TLK2: variants seen among roughly 807,000 people sequenced by gnomAD.
TLK2 encodes the protein tousled like kinase 2.
A neutral mutation model predicts 117.3 loss-of-function variants in TLK2; 6 were observed. The observed-to-expected ratio is 0.05, with a 90% confidence interval of 0.03 to 0.10. The LOEUF (loss-of-function observed/expected upper bound fraction) is 0.10, where lower values mean the gene tolerates loss of function less well. TLK2 is among the 10% of genes least tolerant of loss of function. The pLI is 1.00. For missense variants in TLK2, 299 were observed against 901.2 expected (o/e 0.33, Z 8.56); for synonymous variants, 257 against 316.7 (o/e 0.81, Z 2.00).
intron 11 of TLK2, among the ~76,000 whole-genome samples, chr17:62,568,948 T>A (rs926604217): frequency 5.3e-5 from 8 of 152,188 alleles, no homozygotes; most frequent in Admixed American, 1.3e-4. Context: ...TCTTTAGGTA[T>A]CGTATACCAT....
chr17:62,501,687 C>T (rs141962953), intron 2 of TLK2, among the ~76,000 whole-genome samples: 167 of 151,668 alleles, frequency 1.1e-3, no homozygotes, highest in Non-Finnish European at 1.9e-3. Context: ...AGGCCAGGCA[C>T]GGTGACTCAT....
At position 62,512,698 on chromosome 17, in the gene TLK2, A is replaced by G. The variant is rs543730017; in HGVS notation, c.82-8075A>G. On this transcript the variant is annotated intron_variant, in intron 2 of 21. Transcript: ENST00000346027. ...CTGTACTTTTGATGAGCTTCCATTTATCAGTGTTTCCTTTTGTGGATTAGA... is the reference window on the plus strand; with the variant it reads ...CTGTACTTTTGATGAGCTTCCATTTGTCAGTGTTTCCTTTTGTGGATTAGA... 4.6e-4 allele frequency among the ~76,000 whole-genome samples: 70 copies of G among 151,858 alleles called. 2 individuals are homozygous for G. In the East Asian group the frequency reaches 0.014, roughly 29 times the overall value.
Position 62,612,806 on chromosome 17 carries a change from G to A in TLK2, c.*241G>A, listed in dbSNP as rs1021086187. On this transcript the variant is annotated 3_prime_UTR_variant, in exon 22 of 22. Transcript: ENST00000346027. Reference sequence around the variant, plus strand: ...CCCCGCCCGAGGTTCCAGCGTCAACGGCCACTGTGTGTGGCTGCTCTGAGT... The same window carrying A: ...CCCCGCCCGAGGTTCCAGCGTCAACAGCCACTGTGTGTGGCTGCTCTGAGT... 2.3e-5 allele frequency: 8 copies of A among 344,674 alleles called. No individual in the cohort carries two copies. The highest frequency in any genetic ancestry group is 1.3e-4 in the South Asian group (2 of 14,874). The allele number at this position is 344,674 out of a possible 1,614,324, so 21.4% of individuals were successfully genotyped here. A position where few individuals can be genotyped will look rare whatever the true frequency, so the allele number is the denominator to read the frequency against.
At chr17:62,574,509 A>T in intron 12 of TLK2, 1 of 683,998 alleles carries the variant, frequency 1.5e-6, no homozygotes, top group Non-Finnish European at 2.4e-6. Context: ...ATAACTCCAA[A>T]TTTTGTTGTT....
At chr17:62,605,427 CA>C (rs760079120) in intron 19 of TLK2, among the ~76,000 whole-genome samples, 28 of 152,226 alleles carry the variant, frequency 1.8e-4, no homozygotes, top group Middle Eastern at 3.4e-3. Context: ...TGCTGGAGTG[CA>C]GTGGCATGAT....
chr17:62,601,446 T>G (rs141301939), intron 18 of TLK2, among the ~76,000 whole-genome samples: 1 of 152,350 alleles, frequency 6.6e-6, no homozygotes, highest in East Asian at 1.9e-4. Flanking sequence ...TAAACTTTGC[T>G]TTACTCTTCT....
chr17:62,512,857 T>TATGA (rs2075260254), intron 2 of TLK2, among the ~76,000 whole-genome samples: 2 of 107,278 alleles, frequency 1.9e-5, no homozygotes, highest in African/African-American at 2.9e-5. Flanking sequence ...TTTAAAAATT[T>TATGA]ATTAATTATT....
At chr17:62,490,098 G>A (rs2072945203) in intron 2 of TLK2, among the ~76,000 whole-genome samples, 1 of 152,206 alleles carries the variant, frequency 6.6e-6, no homozygotes, top group South Asian at 2.1e-4. Flanking sequence ...CGAAAGTGTT[G>A]GGATTACAGG....
At chr17:62,574,288 A>G in intron 12 of TLK2, 2 of 1,531,696 alleles carry the variant, frequency 1.3e-6, no homozygotes. Flanking sequence ...TGTTTTGGGA[A>G]GTCTCTTCCT....
chr17:62,572,978 C>T, intron 11 of TLK2: 1 of 430,158 alleles, frequency 2.3e-6, no homozygotes, highest in Non-Finnish European at 4.2e-6. Flanking sequence ...TATGTTCCTT[C>T]CTGTCCACTC....
At chr17:62,584,107 G>GTTTTTTTTTCTTTTT (rs2081418154) in intron 15 of TLK2, among the ~76,000 whole-genome samples, 1 of 78,526 alleles carries the variant, frequency 1.3e-5, no homozygotes, top group African/African-American at 5.1e-5. Context: ...TTCTTTTGTG[G>GTTTTTTTTTCTTTTT]TTTTTTTTTT....
In TLK2 at chr17:62,479,217, G is replaced by C. The variant is rs1381074960; in HGVS notation, c.-79G>C. 3 of 153,894 alleles carry C rather than the reference G, an allele frequency of 1.9e-5. No individual in the cohort carries two copies. Among genetic ancestry groups the C allele is most frequent in the Non-Finnish European group, 2.9e-5 (2 of 69,162 alleles). 9.5% of individuals were successfully genotyped at this position (153,894 alleles called of 1,614,324 possible). On this transcript the variant is annotated 5_prime_UTR_variant, in exon 1 of 22. Transcript: ENST00000346027. ...CCCCGGGCCTGCCCAGGGGGAGAGC[G>C]GAGCGGTCCGCAGCCGGGTCGGGTC...
intron 15 of TLK2, among the ~76,000 whole-genome samples, chr17:62,584,221 A>C (rs1327866592): frequency 7.2e-6 from 1 of 139,188 alleles, no homozygotes; most frequent in South Asian, 2.2e-4. Context: ...GGTTCACGCC[A>C]TTCTCCTGCC....
intron 16 of TLK2, among the ~76,000 whole-genome samples, chr17:62,588,902 G>A (rs2146956100): frequency 6.6e-6 from 1 of 152,254 alleles, no homozygotes; most frequent in Non-Finnish European, 1.5e-5. Context: ...CTAAAAAGTA[G>A]TACACTTCAG....
intron 11 of TLK2, 42 bp downstream of exon 11, chr17:62,565,179 G>T (rs760897053): frequency 5.1e-5 from 80 of 1,574,172 alleles, no homozygotes; most frequent in Non-Finnish European, 6.6e-5. Context: ...TGAAAAGTTC[G>T]TTTGCATTTT....
At chr17:62,493,778 G>C (rs1167431180) in intron 2 of TLK2, among the ~76,000 whole-genome samples, 1 of 151,060 alleles carries the variant, frequency 6.6e-6, no homozygotes, top group Non-Finnish European at 1.5e-5. Context: ...TTTTTTTTGA[G>C]ATGGAGTCTT....
At chr17:62,581,215 C>T (rs1030765324) in intron 15 of TLK2, among the ~76,000 whole-genome samples, 20 of 152,086 alleles carry the variant, frequency 1.3e-4, no homozygotes, top group Admixed American at 2.0e-4. Flanking sequence ...ATTGCCCAGG[C>T]AGGTCTCAAA....
At chr17:62,601,620 G>T (rs965798023) in intron 18 of TLK2, among the ~76,000 whole-genome samples, 4 of 152,168 alleles carry the variant, frequency 2.6e-5, no homozygotes, top group African/African-American at 9.7e-5. Flanking sequence ...AGCTGTAGGC[G>T]GTGCTGTGGT....
chr17:62,524,250 C>T lies in TLK2; in HGVS notation c.282C>T (p.Ser94=), dbSNP rs372690442. 76 of 1,613,760 alleles carry T rather than the reference C, an allele frequency of 4.7e-5. No individual in the cohort carries two copies. Among genetic ancestry groups the T allele is most frequent in the Non-Finnish European group, 5.1e-5 (60 of 1,179,860 alleles). The change falls in exon 6 of 22, where the codon AGC becomes AGT. Residue 94 remains serine (S), a synonymous_variant. Transcript: ENST00000346027. ...CTGTTGGCCAGTTTGCTGGGGGAAG[C>T]GCGCCAGGAACCAGCCCTGGCAGAA... ...ISDYFEFAGG[S]APGTSPGRSV...
Sources: allele counts gnomAD v4.1 joint callset (sites outside exome capture counted in the v4.1 genomes callset), GRCh38; gene constraint gnomAD v4.1.1; transcripts MANE v1.5; gene names NCBI Gene and HGNC (gene_info 2026-07-23, HGNC 2026-07-21).